Variants in KDM4B observed in about 807,000 individuals in gnomAD.
KDM4B encodes lysine demethylase 4B, also known as lysine-specific demethylase 4B.
A neutral mutation model predicts 125.2 loss-of-function variants in KDM4B; 32 were observed. The observed-to-expected ratio is 0.26, with a 90% CI of 0.19 to 0.34. The LOEUF (loss-of-function observed/expected upper bound fraction) is 0.34, where lower values mean the gene tolerates loss of function less well. KDM4B is among the 10% of genes least tolerant of loss of function. The pLI, the probability that KDM4B is intolerant of heterozygous loss-of-function variation, is 1.00. For missense variants in KDM4B, 1,190 were observed against 1,577.7 expected, an observed-to-expected ratio of 0.75 and a Z score of 4.16; for synonymous variants, 721 against 677.9, an observed-to-expected ratio of 1.06 and a Z score of -0.99.
At chr19:5,080,801 C>G (rs2038267924) in intron 8 of KDM4B, 1 of 152,230 alleles carries the variant, frequency 6.6e-6, no homozygotes, top group Non-Finnish European at 1.5e-5. Context: ...GCCCGCACGT[C>G]CATCAACAGG....
At chr19:5,090,738 T>A (rs1475609559) in intron 9 of KDM4B, among the ~76,000 whole-genome samples, 1 of 139,650 alleles carries the variant, frequency 7.2e-6, no homozygotes, top group East Asian at 2.3e-4. Context: ...AGTAGTGCAG[T>A]GACTTTGCCA....
intron 4 of KDM4B, 142 bp from the exon 5 acceptor site, chr19:5,040,995 G>C (rs2036796209): frequency 1.9e-6 from 1 of 539,228 alleles, no homozygotes; most frequent in South Asian, 2.0e-5. Context: ...AGGTTGCGTG[G>C]TACCCTAGGC....
At chr19:5,001,660 C>A (rs952398653) in intron 1 of KDM4B, among the ~76,000 whole-genome samples, 1 of 150,048 alleles carries the variant, frequency 6.7e-6, no homozygotes, top group African/African-American at 2.5e-5. Context: ...TTATGCTAAA[C>A]ACCCATGTAA....
rs1319931816 is a variant in KDM4B, at chr19:5,150,350, C to T, written c.3022-8C>T. The T allele has an allele frequency of 5.2e-6, 8 of 1,549,800 alleles. No homozygotes were observed. In the East Asian group the frequency reaches 2.0e-4, roughly 38 times the overall value. Reference sequence around the variant, plus strand: ...TGCCAGGCCCCTGAGAGCCACATCCCCCTGCAGGTGGAGTTTGAGGACGGG... The same window carrying T: ...TGCCAGGCCCCTGAGAGCCACATCCTCCTGCAGGTGGAGTTTGAGGACGGG... On this transcript the variant is annotated splice_region_variant and splice_polypyrimidine_tract_variant and intron_variant, in intron 21 of 22. Coordinates refer to ENST00000159111, the MANE Select transcript of KDM4B (RefSeq NM_015015.3).
chr19:5,111,739 C>G (rs769451042), intron 10 of KDM4B: 1 of 764,550 alleles, frequency 1.3e-6, no homozygotes, highest in Non-Finnish European at 2.4e-6. Flanking sequence ...GGGGAAGGGC[C>G]AGAGAGCAAA....
intron 11 of KDM4B, among the ~76,000 whole-genome samples, chr19:5,121,062 C>T (rs2039351439): frequency 6.6e-6 from 1 of 152,228 alleles, no homozygotes; most frequent in South Asian, 2.1e-4. Context: ...TGAGGTCCCT[C>T]CCACCTGCCA....
At chr19:5,110,560 G>T in intron 9 of KDM4B, 62 bp from the exon 10 acceptor site, 1 of 1,548,604 alleles carries the variant, frequency 6.5e-7, no homozygotes, top group Middle Eastern at 1.8e-4. Context: ...CTCTGGGGTG[G>T]GGTGTGTGGA....
At chr19:5,093,592 G>A (rs546142750) in intron 9 of KDM4B, among the ~76,000 whole-genome samples, 32 of 152,328 alleles carry the variant, frequency 2.1e-4, no homozygotes, top group South Asian at 6.2e-4. Flanking sequence ...CTTCCCACGC[G>A]TTCTGTGAGC....
intron 6 of KDM4B, among the ~76,000 whole-genome samples, chr19:5,057,063 T>TGCGCGC (rs764454247): frequency 3.7e-5 from 5 of 134,362 alleles, no homozygotes; most frequent in African/African-American, 2.8e-5. Flanking sequence ...TGTGTGTGTG[T>TGCGCGC]GTGCGCGCGC....
chr19:5,130,673 C>G (rs2039526330), intron 11 of KDM4B, among the ~76,000 whole-genome samples: 1 of 152,268 alleles, frequency 6.6e-6, no homozygotes, highest in Admixed American at 6.5e-5. Context: ...TCTCCCCCAC[C>G]TCCACCGGGA....
intron 6 of KDM4B, among the ~76,000 whole-genome samples, chr19:5,050,096 C>T (rs992234646): frequency 2.6e-5 from 4 of 152,218 alleles, no homozygotes; most frequent in Non-Finnish European, 5.9e-5. Context: ...TACACTGTTC[C>T]GCTTGCATCT....
intron 5 of KDM4B, among the ~76,000 whole-genome samples, chr19:5,043,034 G>A (rs972609476): frequency 1.3e-5 from 2 of 149,854 alleles, no homozygotes; most frequent in Non-Finnish European, 3.0e-5. Context: ...CGTCGTTATC[G>A]GTACTCAGAA....
At chr19:5,059,763 C>T (rs1855847082) in intron 6 of KDM4B, among the ~76,000 whole-genome samples, 2 of 144,808 alleles carry the variant, frequency 1.4e-5, no homozygotes, top group Admixed American at 6.9e-5. Context: ...TCTGTGGGTG[C>T]CGGTGATGAA....
chr19:4,986,987 T>C lies in KDM4B; in HGVS notation c.-109+17757T>C, dbSNP rs567548542. Among the ~76,000 whole-genome samples, 9 of 152,014 alleles carry C rather than the reference T, an allele frequency of 5.9e-5. No homozygotes were observed. In the South Asian group the frequency reaches 1.9e-3, roughly 32 times the overall value. ...TTTTTTTTTTTGTGAGACGGAGTCT[T>C]GCTCTGTCGCCTAGGCTGGAGCGTA... On this transcript the variant is annotated intron_variant, in intron 1 of 22. Transcript: ENST00000159111.
At chr19:5,134,202 C>T in intron 14 of KDM4B, 141 bp downstream of exon 14, 1 of 773,286 alleles carries the variant, frequency 1.3e-6, no homozygotes, top group Non-Finnish European at 2.1e-6. Context: ...AGGGCTTGTT[C>T]CTGACAGCCG....
At chr19:5,085,408 G>C (rs918714450) in intron 9 of KDM4B, among the ~76,000 whole-genome samples, 12 of 152,236 alleles carry the variant, frequency 7.9e-5, no homozygotes, top group African/African-American at 2.9e-4. Context: ...GCAGCAGATT[G>C]AGCTGTAAGC....
intron 11 of KDM4B, among the ~76,000 whole-genome samples, chr19:5,128,176 G>T (rs561808834): frequency 6.6e-6 from 1 of 152,174 alleles, no homozygotes; most frequent in Non-Finnish European, 1.5e-5. Context: ...CCCTGTGTGC[G>T]GAGCTGCCTG....
At chr19:5,137,196 A>G in intron 15 of KDM4B, 66 bp from the exon 16 acceptor site, 11 of 1,135,332 alleles carry the variant, frequency 9.7e-6, no homozygotes, top group Non-Finnish European at 1.2e-5. Flanking sequence ...CCTCCCCCTG[A>G]GTTTCACTCG....
intron 11 of KDM4B, among the ~76,000 whole-genome samples, chr19:5,125,088 C>T (rs565896349): frequency 2.6e-5 from 4 of 151,762 alleles, no homozygotes; most frequent in African/African-American, 4.8e-5. Flanking sequence ...TTAGTAGACA[C>T]GGGGTCTCGC....
Sources: gnomAD v4.1 joint callset for allele counts (sites outside exome capture counted in the v4.1 genomes callset) on GRCh38, gnomAD v4.1.1 for gene constraint, MANE v1.5 for transcripts, NCBI Gene and HGNC (gene_info 2026-07-23, HGNC 2026-07-21) for gene names.